Variants in NKAP observed in about 807,000 individuals in gnomAD.
NKAP encodes NFKB activating protein, also known as NF-kappa-B-activating protein.
In NKAP, 4 loss-of-function variants were observed where a neutral mutation model predicts 35.6. The ratio of observed to expected loss-of-function variants is 0.11; its 90% CI spans 0.06 to 0.26. The LOEUF (loss-of-function observed/expected upper bound fraction) is 0.26, where lower values mean the gene tolerates loss of function less well. NKAP is among the 10% of genes least tolerant of loss of function. The pLI is 1.00. For synonymous variants in NKAP, 106 were observed against 119.2 expected, an observed-to-expected ratio of 0.89 and a Z score of 0.72; for missense variants, 238 against 321.9, an observed-to-expected ratio of 0.74 and a Z score of 1.99.
At chrX:119,925,947 A>C (rs531442453) in intron 8 of NKAP, among the ~76,000 whole-genome samples, 6 of 52,401 alleles carry the variant, frequency 1.1e-4, no homozygotes, top group Non-Finnish European at 1.7e-4. Flanking sequence ...TTTTTTTTTA[A>C]TTTTTTTTTT....
At position 119,943,463 on chromosome X, in the gene NKAP, G is replaced by A. The variant is rs751840434; in HGVS notation, c.143C>T (p.Ser48Phe). The A allele has an allele frequency of 9.9e-6, 12 of 1,210,655 alleles. No individual in the cohort carries two copies. In the African/African-American group the frequency reaches 1.6e-4, roughly 16 times the overall value. ...RGRRSRSHSC[S>F]RSGDRNGLTH... ...GAGTCCATTCCGGTCCCCGGACCGA[G>A]AGCAAGAGTGCGAGCGAGAGCGGCG... The change falls in exon 1 of 9, where the codon TCT becomes TTT. Residue 48 changes from serine to phenylalanine, a missense_variant. Transcript: ENST00000371410.
chrX:119,934,624 G>A lies in NKAP; in HGVS notation c.674-67C>T, dbSNP rs776320426. On this transcript the variant is annotated intron_variant, in intron 4 of 8. Transcript: ENST00000371410. ...AACTCTAAAACCGTAGTACTTTTGA[G>A]TAGGTAACTATCCTATTGCTGTCCC... is the stretch of plus-strand genomic sequence containing the variant. 45 of 731,289 alleles carry A rather than the reference G, an allele frequency of 6.2e-5. No individual in the cohort carries two copies. The East Asian group carries it at 1.5e-3, about 24-fold the overall frequency. The allele number at this position is 731,289 out of a possible 1,213,427, so 60.3% of individuals were successfully genotyped here.
In NKAP at chrX:119,922,856, C is replaced by T. The variant is rs2056693923; in HGVS notation, c.*2364G>A. ...TTTACAATAGTATAATCAGAATGTCCTTATCACTCAGGTAATTTAAATTTA... is the reference window on the plus strand; with the variant it reads ...TTTACAATAGTATAATCAGAATGTCTTTATCACTCAGGTAATTTAAATTTA... On this transcript the variant is annotated 3_prime_UTR_variant, in exon 9 of 9. Transcript: ENST00000371410. The T allele has an allele frequency of 9.0e-6, 1 of 111,683 alleles. No individual in the cohort carries two copies. Among genetic ancestry groups the T allele is most frequent in the African/African-American group, 3.2e-5 (1 of 30,810 alleles). The allele number at this position is 111,683 out of a possible 1,213,427, so 9.2% of individuals were successfully genotyped here. A position where few individuals can be genotyped will look rare whatever the true frequency, so the allele number is the denominator to read the frequency against.
intron 4 of NKAP, among the ~76,000 whole-genome samples, chrX:119,935,362 G>A (rs1312403119): frequency 9.0e-6 from 1 of 111,675 alleles, no homozygotes; most frequent in Admixed American, 9.6e-5. Context: ...AAAGAACATG[G>A]AATACTGAGG....
intron 5 of NKAP, among the ~76,000 whole-genome samples, chrX:119,933,919 C>T (rs2056753500): frequency 1.8e-5 from 2 of 109,718 alleles, no homozygotes; most frequent in South Asian, 7.7e-4. Context: ...CCAGCCTGGG[C>T]GACAGAGCGA....
chrX:119,938,322 A>T (rs1042298661), intron 2 of NKAP, among the ~76,000 whole-genome samples: 1 of 110,983 alleles, frequency 9.0e-6, no homozygotes, highest in Non-Finnish European at 1.9e-5. Flanking sequence ...CGGAGGTTGC[A>T]GTGAGCTGAG....
At chrX:119,932,278 TTTTTC>T (rs1371711892) in intron 5 of NKAP, 62 bp from the exon 6 acceptor site, 19 of 846,729 alleles carry the variant, frequency 2.2e-5, no homozygotes, top group African/African-American at 6.2e-5. Context: ...GGCATCTTAA[TTTTTC>T]TTTTCTTTTT....
chrX:119,943,022 T>A, intron 1 of NKAP, 198 bp downstream of exon 1: 1 of 468,934 alleles, frequency 2.1e-6, no homozygotes, highest in Non-Finnish European at 3.5e-6. Context: ...CAGGGCACTA[T>A]ATGAAGGGGC....
rs767191333 is a variant in NKAP, at chrX:119,943,553, C to T, written c.53G>A (p.Gly18Glu). The T allele has an allele frequency of 1.7e-6, 2 of 1,202,391 alleles. No individual in the cohort carries two copies. The highest frequency in any genetic ancestry group is 3.0e-5 in the East Asian group (1 of 33,666). The change falls in exon 1 of 9, where the codon GGG (glycine) becomes GAG (glutamate). Residue 18 changes from glycine (G) to glutamate (E), a missense_variant. Physicochemically the swap from Gly to Glu is moderately conservative, Grantham distance 98 (BLOSUM62 -2). This residue lies in a region of NKAP where 123 missense variants were observed against 115.3 expected (regional missense o/e 1.07). Transcript: ENST00000371410. ...RSPDREASGS[G>E]GRRRSSSKSP... is the part of the protein sequence containing the mutation. Reference sequence around the variant, plus strand: ...CTTCGACGAACTGCGACGTCTTCCCCCCGAGCCCGAGGCCTCCCTATCCGG... The same window carrying T: ...CTTCGACGAACTGCGACGTCTTCCCTCCGAGCCCGAGGCCTCCCTATCCGG...
At chrX:119,928,709 C>T (rs1485152768) in intron 8 of NKAP, among the ~76,000 whole-genome samples, 5 of 106,398 alleles carry the variant, frequency 4.7e-5, no homozygotes, top group Non-Finnish European at 9.7e-5. Flanking sequence ...TACAGGTGTC[C>T]GCCACCATGC....
At chrX:119,940,881 G>C (rs1303447621) in intron 1 of NKAP, among the ~76,000 whole-genome samples, 2 of 111,564 alleles carry the variant, frequency 1.8e-5, no homozygotes, top group Admixed American at 9.6e-5. Flanking sequence ...TAAATTATTG[G>C]CCGGGCCCAG....
At chrX:119,933,208 C>A (rs773140726) in intron 5 of NKAP, among the ~76,000 whole-genome samples, 3 of 111,658 alleles carry the variant, frequency 2.7e-5, no homozygotes, top group Non-Finnish European at 5.6e-5. Flanking sequence ...AAAAATCAAG[C>A]AATTATCCTG....
intron 1 of NKAP, 147 bp downstream of exon 1, chrX:119,943,073 T>C (rs1400739491): frequency 1.3e-6 from 1 of 752,415 alleles, no homozygotes; most frequent in Non-Finnish European, 1.9e-6. Flanking sequence ...TAAAGGGTTG[T>C]CGTGGGTGGA....
intron 7 of NKAP, 48 bp downstream of exon 7, chrX:119,931,888 A>G: frequency 9.8e-7 from 1 of 1,017,603 alleles, no homozygotes; most frequent in South Asian, 2.1e-5. Flanking sequence ...AGTTAGAACC[A>G]GACTTTTTGG....
At chrX:119,934,621 T>A in intron 4 of NKAP, 64 bp from the exon 5 acceptor site, 2 of 765,202 alleles carry the variant, frequency 2.6e-6, no homozygotes, top group Non-Finnish European at 3.8e-6. Flanking sequence ...GTAGTACTTT[T>A]GAGTAGGTAA....
chrX:119,938,380 C>CAA (rs397726900), intron 2 of NKAP, among the ~76,000 whole-genome samples: 20,536 of 103,763 alleles, frequency 0.2, 2,917 homozygotes, highest in African/African-American at 0.49. Flanking sequence ...GACTCCATCT[C>CAA]AAAAAAAAAA....
intron 8 of NKAP, among the ~76,000 whole-genome samples, chrX:119,926,321 C>T (rs901494780): frequency 1.8e-5 from 2 of 110,172 alleles, no homozygotes; most frequent in Non-Finnish European, 3.8e-5. Flanking sequence ...GGCTGGAGTG[C>T]AGTGGCACAA....
chrX:119,931,430 T>C (rs1386152054), intron 7 of NKAP, among the ~76,000 whole-genome samples: 1 of 109,818 alleles, frequency 9.1e-6, no homozygotes, highest in Non-Finnish European at 1.9e-5. Context: ...CGCTTGAACC[T>C]GGGAGGCAGA....
chrX:119,937,936 C>A (rs2056774592), intron 2 of NKAP: 1 of 111,776 alleles, frequency 8.9e-6, no homozygotes, highest in Non-Finnish European at 1.9e-5. Flanking sequence ...CTCAACTCAA[C>A]CTAAAGTTGG....
Sources: allele counts gnomAD v4.1 joint callset (sites outside exome capture counted in the v4.1 genomes callset), GRCh38; gene constraint gnomAD v4.1.1; regional missense constraint gnomAD v4.1.1; transcripts MANE v1.5; gene names NCBI Gene and HGNC (gene_info 2026-07-23, HGNC 2026-07-21).